DNAH5: variants seen among roughly 807,000 people sequenced by gnomAD.
The protein encoded by DNAH5 is dynein axonemal heavy chain 5.
DNAH5 carries 372 observed loss-of-function variants against 518.2 expected under a neutral mutation model. The ratio of observed to expected loss-of-function variants is 0.72; its 90% CI spans 0.66 to 0.78. The LOEUF (loss-of-function observed/expected upper bound fraction) is 0.78, where lower values mean the gene tolerates loss of function less well. Ranked by LOEUF, DNAH5 falls within the 30% of genes least tolerant of loss-of-function variation. The probability of loss-of-function intolerance (pLI) is 0.00; values close to 1 mark genes in which losing one functional copy is unlikely to be tolerated. For missense variants in DNAH5, 5,523 were observed against 5,687.0 expected, an observed-to-expected ratio of 0.97 and a Z score of 0.93; for synonymous variants, 2,039 against 2,025.9, an observed-to-expected ratio of 1.01 and a Z score of -0.17.
chr5:13,860,399 C>T (rs1768237003), intron 29 of DNAH5: 1 of 152,260 alleles, frequency 6.6e-6, no homozygotes, highest in Admixed American at 6.5e-5. Flanking sequence ...GGAATCATCT[C>T]GCCAGCATTA....
rs1296772615 is a variant in DNAH5 at position 13,707,485 on chromosome 5, C to T, written c.13338+638G>A. 6.6e-6 allele frequency among the ~76,000 whole-genome samples: 1 copy of T among 152,140 alleles called. No individual in the cohort carries two copies. The highest frequency in any genetic ancestry group is 2.4e-5 in the African/African-American group (1 of 41,430). On this transcript the variant is annotated intron_variant, in intron 76 of 78. Coordinates refer to ENST00000265104, the MANE Select transcript of DNAH5 (RefSeq NM_001369.3). The surrounding 1 kb of genome is among the most constrained non-coding windows in gnomAD (Gnocchi z 4.0). ...GAAAGAGTACACTGTAACACATGCCCATTCGGGAGCTGTAAACACTAACCC... is the reference window on the plus strand; with the variant it reads ...GAAAGAGTACACTGTAACACATGCCTATTCGGGAGCTGTAAACACTAACCC...
At position 13,810,259 on chromosome 5, in the gene DNAH5, T is replaced by A; in HGVS notation, c.7409A>T (p.Glu2470Val). 1 of 1,550,210 alleles carries A rather than the reference T, an allele frequency of 6.5e-7. No individual in the cohort carries two copies. Among genetic ancestry groups the A allele is most frequent in the African/African-American group, 1.4e-5 (1 of 73,134 alleles). ...AGCCTGGCTCACCTCCCCGCCTTGC[T>A]CCTGAGAAGGAAAGACACTTTTTTT... ...NMLQGLIPLK[E>V]QGGEVSQAHL... The change falls in exon 45 of 79, where the codon GAG becomes GTG. Residue 2470 changes from glutamate to valine, a missense_variant and splice_region_variant. Coordinates refer to ENST00000265104, the MANE Select transcript of DNAH5 (RefSeq NM_001369.3).
chr5:13,807,805 T>C, intron 46 of DNAH5, 80 bp from the exon 47 acceptor site: 3 of 1,240,846 alleles, frequency 2.4e-6, no homozygotes, highest in East Asian at 2.5e-5. Flanking sequence ...AAAATTCATA[T>C]GCTGAATCTT....
chr5:13,893,001 G>A (rs1773470185), intron 16 of DNAH5, among the ~76,000 whole-genome samples: 1 of 152,080 alleles, frequency 6.6e-6, no homozygotes, highest in South Asian at 2.1e-4. Flanking sequence ...GCATAACAAA[G>A]GTGAGGTATG....
chr5:13,980,367 C>T (rs577401148), intron 1 of DNAH5, among the ~76,000 whole-genome samples: 19 of 152,294 alleles, frequency 1.2e-4, no homozygotes, highest in African/African-American at 4.6e-4. Context: ...CAACTCCAGA[C>T]ATGGATGTCC....
At chr5:13,995,581 AAATAT>A (rs1231167339) in intron 1 of DNAH5, among the ~76,000 whole-genome samples, 1 of 152,218 alleles carries the variant, frequency 6.6e-6, no homozygotes, top group Non-Finnish European at 1.5e-5. Flanking sequence ...ACAAAAAATA[AAATAT>A]AACAAATTAC....
At chr5:13,980,785 A>G (rs772347945) in intron 1 of DNAH5, among the ~76,000 whole-genome samples, 29 of 151,844 alleles carry the variant, frequency 1.9e-4, no homozygotes, top group Non-Finnish European at 4.1e-4. Context: ...AATCATCCCA[A>G]TACCTCTCCT....
intron 1 of DNAH5, among the ~76,000 whole-genome samples, chr5:13,972,306 A>G (rs906811630): frequency 6.6e-6 from 1 of 152,146 alleles, no homozygotes; most frequent in Non-Finnish European, 1.5e-5. Context: ...CGCAGTTTCT[A>G]TGCTCATAGC....
intron 29 of DNAH5, among the ~76,000 whole-genome samples, chr5:13,861,026 C>A (rs1768336950): frequency 6.6e-6 from 1 of 152,082 alleles, no homozygotes; most frequent in Non-Finnish European, 1.5e-5. Flanking sequence ...TGTTGTTCTA[C>A]CCACAGCGCC....
intron 41 of DNAH5, among the ~76,000 whole-genome samples, chr5:13,818,337 G>A (rs1437449772): frequency 1.3e-5 from 2 of 152,286 alleles, no homozygotes; most frequent in Non-Finnish European, 2.9e-5. Flanking sequence ...GGTGGCTCAC[G>A]CCTGTAATCC....
rs1267251377 is a variant in DNAH5 at position 13,754,211 on chromosome 5, C to G, written c.10547G>C (p.Arg3516Thr). The change falls in exon 62 of 79, where the codon AGA (arginine) becomes ACA (threonine). Residue 3516 changes from arginine to threonine, a missense_variant. By Grantham distance (71) the Arg-to-Thr change is moderately conservative. Transcript: ENST00000265104. ...TAAAGAAATTTACATACCTACAAGTCTTTTAGTTTGTGCAGCAAACTCTTG... is the reference window on the plus strand; with the variant it reads ...TAAAGAAATTTACATACCTACAAGTGTTTTAGTTTGTGCAGCAAACTCTTG... ...QSQEFAAQTKRLVGDVLLATA... is the reference protein window; with the variant it reads ...QSQEFAAQTKTLVGDVLLATA... 10 of 1,614,042 alleles carry G rather than the reference C, an allele frequency of 6.2e-6. No homozygotes were observed. The highest frequency in any genetic ancestry group is 7.6e-6 in the Non-Finnish European group (9 of 1,179,938).
chr5:13,844,589 A>T (rs1765707688), intron 32 of DNAH5, among the ~76,000 whole-genome samples: 1 of 151,892 alleles, frequency 6.6e-6, no homozygotes, highest in South Asian at 2.1e-4. Context: ...TAAAATCATG[A>T]ATGCTACATA....
chr5:13,729,479 T>C lies in DNAH5; in HGVS notation c.11843A>G (p.Glu3948Gly). The change falls in exon 69 of 79, where the codon GAA (glutamate) becomes GGA (glycine). Residue 3948 changes from glutamate to glycine, a missense_variant. Coordinates refer to ENST00000265104, the MANE Select transcript of DNAH5 (RefSeq NM_001369.3). ...TGAAAACTGTCTGAGTTTGCTAAGT[T>C]CCACCAAATTCAGCCATGTTATGTC... ...ILDITWLNLV[E>G]LSKLRQFSDV... The C allele has an allele frequency of 1.9e-6, 3 of 1,614,050 alleles. No homozygotes were observed. Among genetic ancestry groups the C allele is most frequent in the Non-Finnish European group, 2.5e-6 (3 of 1,179,922 alleles).
rs759339347 is a variant in DNAH5, at chr5:13,708,209, T to C, written c.13252A>G (p.Ile4418Val). Reference protein sequence around the residue: ...RSTLTELKLAIDGTIIMSENL... With the variant: ...RSTLTELKLAVDGTIIMSENL... ...TCGCTCATGATGATGGTGCCATCAA[T>C]AGCAAGTTTCAGCTCAGTGAGGGTG... is the stretch of plus-strand genomic sequence containing the variant. Residue 4418 changes from isoleucine to valine, a missense_variant, in exon 76 of 79, where the codon ATT (isoleucine) becomes GTT (valine). By Grantham distance (29) the Ile-to-Val change is conservative. Coordinates refer to ENST00000265104, the MANE Select transcript of DNAH5 (RefSeq NM_001369.3). 4.3e-6 allele frequency: 7 copies of C among 1,614,062 alleles called. No homozygotes were observed. The highest frequency in any genetic ancestry group is 3.3e-5 in the Admixed American group (2 of 60,010).
chr5:13,978,906 G>C (rs981732879), intron 1 of DNAH5, among the ~76,000 whole-genome samples: 1 of 152,068 alleles, frequency 6.6e-6, no homozygotes, highest in Non-Finnish European at 1.5e-5. Context: ...TTTCTCTAGA[G>C]AACCCTGGCT....
chr5:13,828,385 A>G (rs968663649), intron 38 of DNAH5, among the ~76,000 whole-genome samples: 2 of 152,250 alleles, frequency 1.3e-5, no homozygotes, highest in Non-Finnish European at 2.9e-5. Context: ...GTCATTATTT[A>G]GCATATATTT....
intron 17 of DNAH5, among the ~76,000 whole-genome samples, chr5:13,889,854 T>C (rs891218149): frequency 3.9e-5 from 6 of 152,146 alleles, no homozygotes; most frequent in Non-Finnish European, 8.8e-5. Flanking sequence ...CTCTTAACTA[T>C]GTCAGGGCAG....
chr5:13,845,099 A>G, intron 31 of DNAH5, 106 bp from the exon 32 acceptor site: 1 of 1,102,744 alleles, frequency 9.1e-7, no homozygotes, highest in Non-Finnish European at 1.3e-6. Flanking sequence ...GTGACTTGTG[A>G]CAATCTGATT....
At chr5:13,777,479 A>G in intron 53 of DNAH5, 124 bp from the exon 54 acceptor site, 1 of 724,216 alleles carries the variant, frequency 1.4e-6, no homozygotes, top group East Asian at 2.7e-5. Flanking sequence ...TCGTATACGT[A>G]TGTATTCTAT....
Sources: allele counts gnomAD v4.1 joint callset (sites outside exome capture counted in the v4.1 genomes callset), GRCh38; gene constraint gnomAD v4.1.1; non-coding constraint Gnocchi (gnomAD v3.1); transcripts MANE v1.5; gene names NCBI Gene and HGNC (gene_info 2026-07-23, HGNC 2026-07-21).